Variants in SLC9D1 observed in about 807,000 individuals in gnomAD.
SLC9D1 encodes solute carrier family 9 member D1.
the SLC9D1 span, among the ~76,000 whole-genome samples, chr13:113,544,811 G>A: frequency 2.0e-5 from 3 of 152,260 alleles, no homozygotes; most frequent in Non-Finnish European, 4.4e-5. Flanking sequence ...CCTGTCTCCA[G>A]ATACAGCCAC....
At chr13:113,510,160 G>A in the SLC9D1 span, 5 of 1,338,478 alleles carry the variant, frequency 3.7e-6, no homozygotes, top group Non-Finnish European at 5.3e-6. Flanking sequence ...CCTGGATGCA[G>A]AAATGCGTGA....
the SLC9D1 span, chr13:113,547,426 A>G: frequency 1.4e-6 from 2 of 1,476,792 alleles, no homozygotes; most frequent in South Asian, 2.3e-5. Context: ...CAGGCTCAGC[A>G]TAGCCCTCCC....
At chr13:113,503,345 TTG>T in the SLC9D1 span, 63,357 of 469,238 alleles carry the variant, frequency 0.14, 1,356 homozygotes, top group African/African-American at 0.15. Flanking sequence ...CACTGTGTGA[TTG>T]TGTGTGTGTG....
At chr13:113,524,348 T>C in the SLC9D1 span, among the ~76,000 whole-genome samples, 1 of 152,348 alleles carries the variant, frequency 6.6e-6, no homozygotes, top group Non-Finnish European at 1.5e-5. Flanking sequence ...AATATTTCTT[T>C]TTTTGTTGTT....
At chr13:113,518,655 G>A in the SLC9D1 span, among the ~76,000 whole-genome samples, 10 of 152,120 alleles carry the variant, frequency 6.6e-5, no homozygotes, top group Non-Finnish European at 1.3e-4. Flanking sequence ...CGAAGGCTGC[G>A]AGATGAAGAG....
chr13:113,498,464 G>A, the SLC9D1 span: 1 of 1,592,212 alleles, frequency 6.3e-7, no homozygotes, highest in Middle Eastern at 1.7e-4. Flanking sequence ...ATGTAAGAAA[G>A]GCAGCGGATC....
the SLC9D1 span, chr13:113,548,486 G>C: frequency 1.3e-6 from 2 of 1,585,600 alleles, no homozygotes; most frequent in South Asian, 1.1e-5. Context: ...CGCTTCTCGG[G>C]CGGCACGGGC....
At chr13:113,524,368 A>ATAGTCTTGCAACAG in the SLC9D1 span, among the ~76,000 whole-genome samples, 1 of 152,194 alleles carries the variant, frequency 6.6e-6, no homozygotes, top group Admixed American at 6.5e-5. Flanking sequence ...TTTTCGAGAC[A>ATAGTCTTGCAACAG]TAGTCTTGCT....
the SLC9D1 span, among the ~76,000 whole-genome samples, chr13:113,511,302 A>G: frequency 6.6e-6 from 1 of 152,254 alleles, no homozygotes; most frequent in Non-Finnish European, 1.5e-5. Flanking sequence ...ACACACAGGC[A>G]TAGAAGAGAA....
the SLC9D1 span, among the ~76,000 whole-genome samples, chr13:113,512,472 T>TG: frequency 2.8e-5 from 4 of 142,804 alleles, no homozygotes; most frequent in Non-Finnish European, 1.5e-5. Context: ...GGAGTGTAGA[T>TG]GGAGGGGGTT....
At chr13:113,541,440 A>G in the SLC9D1 span, among the ~76,000 whole-genome samples, 770 of 87,956 alleles carry the variant, frequency 8.8e-3, 7 homozygotes, top group South Asian at 0.061. Flanking sequence ...CCGCCGAGAT[A>G]TGTGGATGAT....
At chr13:113,497,675 C>T in the SLC9D1 span, among the ~76,000 whole-genome samples, 1 of 152,240 alleles carries the variant, frequency 6.6e-6, no homozygotes, top group African/African-American at 2.4e-5. Context: ...GTGAGACCTG[C>T]AGCTCTTTGT....
At chr13:113,503,328 C>T in the SLC9D1 span, among the ~76,000 whole-genome samples, 1 of 134,448 alleles carries the variant, frequency 7.4e-6, no homozygotes, top group African/African-American at 3.2e-5. Context: ...AGTGGTTAAT[C>T]GAAGTACACT....
At chr13:113,529,081 C>T in the SLC9D1 span, 4 of 152,206 alleles carry the variant, frequency 2.6e-5, no homozygotes, top group Non-Finnish European at 5.9e-5. Context: ...CACGTTCTTT[C>T]CAGTTACACG....
chr13:113,491,716 G>A, the SLC9D1 span, among the ~76,000 whole-genome samples: 1 of 152,176 alleles, frequency 6.6e-6, no homozygotes, highest in East Asian at 1.9e-4. Context: ...GGCCGCCCGG[G>A]TGGACTCGGG....
At chr13:113,503,455 A>G in the SLC9D1 span, 7 of 1,506,606 alleles carry the variant, frequency 4.6e-6, no homozygotes, top group South Asian at 8.0e-5. Context: ...TTAATATGTT[A>G]AACATGTACA....
At chr13:113,503,369 GTGTGTGTGTGTGTGTA>G in the SLC9D1 span, 1 of 624,248 alleles carries the variant, frequency 1.6e-6, no homozygotes, top group Non-Finnish European at 2.9e-6. Context: ...GTGTGTGTGT[GTGTGTGTGTGTGTGTA>G]TGTGTGTTTT....
the SLC9D1 span, among the ~76,000 whole-genome samples, chr13:113,532,211 C>T: frequency 6.6e-6 from 1 of 152,186 alleles, no homozygotes; most frequent in Non-Finnish European, 1.5e-5. Context: ...ATGAATGATG[C>T]ACAAATGAGT....
chr13:113,541,434 C>T, the SLC9D1 span, among the ~76,000 whole-genome samples: 12 of 135,844 alleles, frequency 8.8e-5, no homozygotes, highest in South Asian at 1.2e-3. Context: ...TTAATACCGC[C>T]GAGATATGTG....
Sources: allele counts gnomAD v4.1 joint callset (sites outside exome capture counted in the v4.1 genomes callset), GRCh38; gene constraint gnomAD v4.1.1; transcripts MANE v1.5; gene names NCBI Gene and HGNC (gene_info 2026-07-23, HGNC 2026-07-21).